IL7: variants seen among roughly 807,000 people sequenced by gnomAD.
IL7 encodes interleukin 7.
A neutral mutation model predicts 21.6 loss-of-function variants in IL7; 3 were observed. The ratio of observed to expected loss-of-function variants is 0.14; its 90% CI spans 0.06 to 0.36. The LOEUF (loss-of-function observed/expected upper bound fraction) is 0.36. IL7 is among the 10% of genes least tolerant of loss of function. The pLI, the probability that IL7 is intolerant of heterozygous loss-of-function variation, is 1.00. For missense variants in IL7, 175 were observed against 200.2 expected (o/e 0.87, Z 0.76); for synonymous variants, 62 against 68.1 (o/e 0.91, Z 0.44).
At chr8:78,695,187 G>T (rs1158213342) in intron 3 of IL7, among the ~76,000 whole-genome samples, 1 of 152,118 alleles carries the variant, frequency 6.6e-6, no homozygotes, top group East Asian at 1.9e-4. Context: ...AAATATTATA[G>T]GATATAAGTA....
At chr8:78,710,990 A>G (rs1810934039) in intron 3 of IL7, among the ~76,000 whole-genome samples, 1 of 152,100 alleles carries the variant, frequency 6.6e-6, no homozygotes, top group Admixed American at 6.5e-5. Context: ...TAAACTCCAT[A>G]AGAACAGGTA....
At position 78,778,578 on chromosome 8, in the gene IL7, T is replaced by A. The variant is rs956848982; in HGVS notation, c.147+19494A>T. ...GATATGTGGTCTTCTTTGTGAGGTC[T>A]CTATTCTTTTCCATTGGACTACGTG... On this transcript the variant is annotated intron_variant, in intron 2 of 5. Coordinates refer to ENST00000263851, the MANE Select transcript of IL7 (RefSeq NM_000880.4). 3.3e-5 allele frequency among the ~76,000 whole-genome samples: 5 copies of A among 152,178 alleles called. No individual in the cohort carries two copies. The South Asian group carries it at 1.0e-3, about 31-fold the overall frequency.
At chr8:78,731,238 AT>A (rs1283800779), downstream of IL7, among the ~76,000 whole-genome samples, 1 of 152,016 alleles carries the variant, frequency 6.6e-6, no homozygotes, top group African/African-American at 2.4e-5. Context: ...CCTTCAGCAT[AT>A]TCCCTGAAAA....
downstream of IL7, among the ~76,000 whole-genome samples, chr8:78,716,247 C>T (rs538829621): frequency 5.3e-5 from 8 of 151,398 alleles, no homozygotes; most frequent in East Asian, 6.0e-4. Flanking sequence ...CTCAGCCTCC[C>T]GAGTAGCTGG....
intron 4 of IL7, among the ~76,000 whole-genome samples, chr8:78,685,527 G>A (rs1268826553): frequency 3.3e-5 from 5 of 152,154 alleles, no homozygotes; most frequent in Non-Finnish European, 7.3e-5. Context: ...TTGTTGGTGG[G>A]AGGGAGGGAA....
At chr8:78,703,752 T>G (rs1474235361) in intron 3 of IL7, among the ~76,000 whole-genome samples, 4 of 152,192 alleles carry the variant, frequency 2.6e-5, no homozygotes, top group Non-Finnish European at 5.9e-5. Flanking sequence ...ACTCTGTGTC[T>G]TTTAATTGGG....
chr8:78,720,581 A>G (rs1339801411), intron 5 of IL7, among the ~76,000 whole-genome samples: 1 of 151,836 alleles, frequency 6.6e-6, no homozygotes, highest in Non-Finnish European at 1.5e-5. Flanking sequence ...CAATATACAT[A>G]TGATTTTTTG....
At chr8:78,800,857 G>A (rs1480439278) in intron 1 of IL7, among the ~76,000 whole-genome samples, 2 of 152,058 alleles carry the variant, frequency 1.3e-5, no homozygotes, top group Admixed American at 1.3e-4. Context: ...AGAGTGAAAG[G>A]GATACTTTTA....
At chr8:78,747,207 T>G (rs977632532) in intron 2 of IL7, 7 of 378,412 alleles carry the variant, frequency 1.8e-5, no homozygotes, top group South Asian at 2.0e-5. Context: ...TTTTTTTTTT[T>G]TTGAGATGGG....
chr8:78,801,775 G>A (rs554703962), intron 1 of IL7, among the ~76,000 whole-genome samples: 1 of 152,258 alleles, frequency 6.6e-6, no homozygotes, highest in African/African-American at 2.4e-5. Context: ...ATCTGAAATT[G>A]CCTCACGGAC....
At chr8:78,698,046 A>G (rs1382200518) in intron 3 of IL7, among the ~76,000 whole-genome samples, 1 of 152,132 alleles carries the variant, frequency 6.6e-6, no homozygotes, top group Non-Finnish European at 1.5e-5. Context: ...TCATCTGTTC[A>G]GAATAGTCAG....
chr8:78,788,257 T>C (rs1217602152), intron 2 of IL7, among the ~76,000 whole-genome samples: 1 of 152,116 alleles, frequency 6.6e-6, no homozygotes, highest in Non-Finnish European at 1.5e-5. Context: ...ATTTCATCTC[T>C]AATTTCATTA....
At chr8:78,691,304 C>T (rs1483858500) in intron 3 of IL7, among the ~76,000 whole-genome samples, 2 of 152,098 alleles carry the variant, frequency 1.3e-5, no homozygotes, top group African/African-American at 4.8e-5. Flanking sequence ...GTTTGCATAG[C>T]ATTTATAAAT....
At position 78,760,979 on chromosome 8, in the gene IL7, A is replaced by G. The variant is rs2130761900; in HGVS notation, c.148-20897T>C. On this transcript the variant is annotated intron_variant, in intron 2 of 5. Transcript: ENST00000263851. The stretch of plus-strand genomic sequence containing the variant: ...AGATAGGACATTTTTAAGAACAACA[A>G]TAGTAACAATGAAATCAAAATCTGT... 4 of 1,591,696 alleles carry G rather than the reference A, an allele frequency of 2.5e-6. No individual in the cohort carries two copies. The East Asian group carries it at 8.9e-5, about 36-fold the overall frequency.
intron 3 of IL7, chr8:78,686,658 A>C: frequency 7.1e-7 from 1 of 1,405,022 alleles, no homozygotes; most frequent in Admixed American, 2.7e-5. Context: ...GAAAATAATG[A>C]TAGAGTTTTT....
chr8:78,723,270 T>G (rs1184144195), intron 3 of IL7, among the ~76,000 whole-genome samples: 2 of 151,900 alleles, frequency 1.3e-5, no homozygotes, highest in East Asian at 1.9e-4. Context: ...TCGACTCTTT[T>G]ATTCAATAAA....
intron 3 of IL7, among the ~76,000 whole-genome samples, chr8:78,697,992 G>T (rs1810485565): frequency 6.6e-6 from 1 of 151,948 alleles, no homozygotes; most frequent in Non-Finnish European, 1.5e-5. Context: ...CTTTTTTGTT[G>T]TTTTTTTCAG....
chr8:78,779,118 G>T (rs2130803889), intron 2 of IL7, among the ~76,000 whole-genome samples: 1 of 152,286 alleles, frequency 6.6e-6, no homozygotes, highest in South Asian at 2.1e-4. Context: ...TGCTGAAGTT[G>T]CTTATCAGCT....
intron 1 of IL7, 88 bp from the exon 2 acceptor site, chr8:78,798,296 CT>C: frequency 1.1e-6 from 1 of 876,280 alleles, no homozygotes; most frequent in Non-Finnish European, 1.7e-6. Flanking sequence ...CCACTAATTT[CT>C]AATAATTTTA....
Sources: allele counts gnomAD v4.1 joint callset (sites outside exome capture counted in the v4.1 genomes callset), GRCh38; gene constraint gnomAD v4.1.1; transcripts MANE v1.5; gene names NCBI Gene and HGNC (gene_info 2026-07-23, HGNC 2026-07-21).